CTIF: variants seen among roughly 807,000 people sequenced by gnomAD.
CTIF encodes the protein CBP80/20-dependent translation initiation factor.
In CTIF, 21 loss-of-function variants were observed where a neutral mutation model predicts 66.0. The observed-to-expected ratio is 0.32, with a 90% CI of 0.23 to 0.46. The LOEUF is 0.46. CTIF is among the 20% of genes least tolerant of loss of function. The pLI, the probability that CTIF is intolerant of heterozygous loss-of-function variation, is 1.00. For missense variants in CTIF, 739 were observed against 812.7 expected (o/e 0.91, Z 1.10); for synonymous variants, 345 against 326.4 (o/e 1.06, Z -0.62).
chr18:48,833,486 GC>G (rs1324309610), intron 10 of CTIF, among the ~76,000 whole-genome samples: 2 of 151,818 alleles, frequency 1.3e-5, no homozygotes, highest in African/African-American at 4.8e-5. Flanking sequence ...CCCTGCCCCC[GC>G]CGCCCTCCAC....
At chr18:48,734,205 C>T (rs550127279) in intron 7 of CTIF, among the ~76,000 whole-genome samples, 8 of 152,226 alleles carry the variant, frequency 5.3e-5, no homozygotes, top group African/African-American at 4.8e-5. Flanking sequence ...GGGAGACCCT[C>T]GGCTGCACCT....
At chr18:48,723,749 T>G (rs1300103985) in intron 7 of CTIF, among the ~76,000 whole-genome samples, 1 of 152,216 alleles carries the variant, frequency 6.6e-6, no homozygotes, top group Non-Finnish European at 1.5e-5. Flanking sequence ...CAAGGAGCTT[T>G]CCTCCTGGGT....
intron 3 of CTIF, among the ~76,000 whole-genome samples, chr18:48,646,589 A>G (rs1407290663): frequency 6.6e-6 from 1 of 151,998 alleles, no homozygotes; most frequent in Admixed American, 6.6e-5. Context: ...TCAACAAAAA[A>G]TACAAGCATT....
chr18:48,859,830 C>T lies in CTIF; in HGVS notation c.*271C>T, dbSNP rs2069420505. On this transcript the variant is annotated 3_prime_UTR_variant, in exon 12 of 12. Transcript: ENST00000256413. ...CCTGGTGGCCCTGGCCCTCCCCTTC[C>T]TCACTCCCGCCTCTCCCCTCCCCAT... is the stretch of plus-strand genomic sequence containing the variant. The T allele has an allele frequency of 1.6e-6, 1 of 622,778 alleles. No homozygotes were observed. The highest frequency in any genetic ancestry group is 2.5e-4 in the Middle Eastern group (1 of 4,028). 38.6% of individuals were successfully genotyped at this position (622,778 alleles called of 1,614,324 possible).
chr18:48,792,697 C>T (rs959169795), intron 9 of CTIF, among the ~76,000 whole-genome samples: 9 of 152,052 alleles, frequency 5.9e-5, no homozygotes, highest in Admixed American at 3.3e-4. Flanking sequence ...AAGGACTGGA[C>T]GTAGGTGCAA....
chr18:48,706,036 G>T lies in CTIF; in HGVS notation c.508-5583G>T, dbSNP rs182106083. 1.1e-3 allele frequency among the ~76,000 whole-genome samples: 165 copies of T among 152,204 alleles called. 1 individual carries two copies. The highest frequency in any genetic ancestry group is 3.3e-3 in the African/African-American group (138 of 41,504). ...GCATGGCGGGCCCCCTACATTTGTCGAGTGAGAGAGAGACAAGGGTGGATG... is the reference window on the plus strand; with the variant it reads ...GCATGGCGGGCCCCCTACATTTGTCTAGTGAGAGAGAGACAAGGGTGGATG... On this transcript the variant is annotated intron_variant, in intron 6 of 11. Transcript: ENST00000256413.
chr18:48,751,512 A>G (rs1907811198), intron 7 of CTIF, among the ~76,000 whole-genome samples: 1 of 152,172 alleles, frequency 6.6e-6, no homozygotes, highest in Non-Finnish European at 1.5e-5. Flanking sequence ...TCCCCAGACC[A>G]CAAGGAAGAT....
intron 6 of CTIF, among the ~76,000 whole-genome samples, chr18:48,684,545 G>T (rs914700561): frequency 6.6e-6 from 1 of 152,050 alleles, no homozygotes; most frequent in Non-Finnish European, 1.5e-5. Flanking sequence ...TTATGAGAGA[G>T]AAGAATTTTG....
rs141729127 is a variant in CTIF, at chr18:48,703,269, C to T, written c.508-8350C>T. 4.9e-3 allele frequency among the ~76,000 whole-genome samples: 744 copies of T among 152,272 alleles called. 9 individuals carry two copies. The highest frequency in any genetic ancestry group is 0.016 in the African/African-American group (678 of 41,558). ...CAAGAGGCCAGGGCAGAGTGGATAT[C>T]CAGGCACTGTGGGGGCAGACAGGTG... On this transcript the variant is annotated intron_variant, in intron 6 of 11. Coordinates refer to ENST00000256413, the MANE Select transcript of CTIF (RefSeq NM_014772.3).
intron 1 of CTIF, among the ~76,000 whole-genome samples, chr18:48,552,627 C>T (rs2088911896): frequency 6.6e-6 from 1 of 152,126 alleles, no homozygotes; most frequent in Admixed American, 6.5e-5. Flanking sequence ...GCCCTCATGA[C>T]CTAATTGCCT....
chr18:48,691,769 A>T (rs1467197244), intron 6 of CTIF, among the ~76,000 whole-genome samples: 1 of 152,150 alleles, frequency 6.6e-6, no homozygotes, highest in Non-Finnish European at 1.5e-5. Context: ...CCCTGGCCTG[A>T]GACAGATCTG....
intron 1 of CTIF, among the ~76,000 whole-genome samples, chr18:48,575,547 G>A (rs1031577872): frequency 1.3e-5 from 2 of 152,226 alleles, no homozygotes; most frequent in African/African-American, 4.8e-5. Context: ...CAGAGTTGCG[G>A]TGTCAGGACC....
intron 3 of CTIF, among the ~76,000 whole-genome samples, chr18:48,652,151 G>T (rs1262103070): frequency 2.0e-5 from 3 of 152,174 alleles, no homozygotes; most frequent in South Asian, 4.1e-4. Context: ...AACTGAAGGA[G>T]ATAGAGACGC....
At chr18:48,582,757 C>T (rs1418812990) in intron 1 of CTIF, among the ~76,000 whole-genome samples, 1 of 152,094 alleles carries the variant, frequency 6.6e-6, no homozygotes, top group Non-Finnish European at 1.5e-5. Context: ...ACCTCTAGTT[C>T]GTTTAGTCCT....
intron 6 of CTIF, among the ~76,000 whole-genome samples, chr18:48,690,584 C>A (rs1403758536): frequency 6.6e-6 from 1 of 152,164 alleles, no homozygotes; most frequent in Non-Finnish European, 1.5e-5. Flanking sequence ...TCTGTCTTCT[C>A]CTGGCTGATC....
chr18:48,841,684 C>T (rs1385803221), intron 10 of CTIF, among the ~76,000 whole-genome samples: 5 of 80,678 alleles, frequency 6.2e-5, no homozygotes, highest in African/African-American at 5.4e-5. Context: ...GGCAGGCAGG[C>T]GGGCAGGCGG....
chr18:48,835,167 C>T (rs578208480), intron 10 of CTIF, among the ~76,000 whole-genome samples: 1 of 152,318 alleles, frequency 6.6e-6, no homozygotes, highest in Admixed American at 6.5e-5. Flanking sequence ...TGCGGGGTTC[C>T]CAGAAGACCT....
intron 6 of CTIF, 114 bp from the exon 7 acceptor site, chr18:48,711,505 C>A: frequency 1.2e-6 from 1 of 806,402 alleles, no homozygotes. Context: ...CTAGTCTCTC[C>A]AAACTCTTGA....
chr18:48,658,897 T>C (rs369850731), intron 3 of CTIF, among the ~76,000 whole-genome samples: 6 of 152,220 alleles, frequency 3.9e-5, no homozygotes, highest in East Asian at 3.9e-4. Flanking sequence ...TGTGAAAACG[T>C]TGGGCTCCTG....
Sources: allele counts gnomAD v4.1 joint callset (sites outside exome capture counted in the v4.1 genomes callset), GRCh38; gene constraint gnomAD v4.1.1; transcripts MANE v1.5; gene names NCBI Gene and HGNC (gene_info 2026-07-23, HGNC 2026-07-21).